ZRANB3: variants seen among roughly 807,000 people sequenced by gnomAD.
ZRANB3 encodes zinc finger RANBP2-type containing 3, also known as DNA annealing helicase and endonuclease ZRANB3.
ZRANB3 carries 125 observed loss-of-function variants against 133.8 expected under a neutral mutation model. The ratio of observed to expected loss-of-function variants is 0.93; its 90% CI spans 0.81 to 1.08. The LOEUF (loss-of-function observed/expected upper bound fraction) is 1.08, where lower values mean the gene tolerates loss of function less well. Ranked by LOEUF, ZRANB3 falls within the 50% of genes least tolerant of loss-of-function variation. The pLI is 0.00. For missense variants in ZRANB3, 1,229 were observed against 1,275.5 expected, an observed-to-expected ratio of 0.96 and a Z score of 0.56; for synonymous variants, 387 against 432.7, an observed-to-expected ratio of 0.89 and a Z score of 1.31.
intron 8 of ZRANB3, among the ~76,000 whole-genome samples, chr2:135,301,736 T>C (rs1682440197): frequency 6.6e-6 from 1 of 152,234 alleles, no homozygotes; most frequent in South Asian, 2.1e-4. Context: ...ATGTCTTTCC[T>C]GCACCCTCAA....
Position 135,315,568 on chromosome 2 carries a change from T to C in ZRANB3, c.678-38A>G, listed in dbSNP as rs779745079. 5.3e-5 allele frequency: 71 copies of C among 1,347,522 alleles called. 2 individuals are homozygous for C. The highest frequency in any genetic ancestry group is 3.2e-4 in the South Asian group (16 of 49,414). The allele number at this position is 1,347,522 out of a possible 1,614,324, so 83.5% of individuals were successfully genotyped here. On this transcript the variant is annotated intron_variant, in intron 6 of 20. Coordinates refer to ENST00000264159, the MANE Select transcript of ZRANB3 (RefSeq NM_032143.4). Reference sequence around the variant, plus strand: ...AGACAAAACATGTAGCAAAATTGAATGCTGGAGTTAAGAAAATAATTTATC... The same window carrying C: ...AGACAAAACATGTAGCAAAATTGAACGCTGGAGTTAAGAAAATAATTTATC...
chr2:135,416,782 C>G (rs1405984521), intron 2 of ZRANB3, among the ~76,000 whole-genome samples: 1 of 152,124 alleles, frequency 6.6e-6, no homozygotes, highest in East Asian at 1.9e-4. Flanking sequence ...TGGAAGAGAA[C>G]AGAGCCCTCA....
At chr2:135,479,762 C>A (rs1358719573) in intron 2 of ZRANB3, among the ~76,000 whole-genome samples, 4 of 151,976 alleles carry the variant, frequency 2.6e-5, no homozygotes, top group Admixed American at 2.6e-4. Flanking sequence ...TGGGACCCAC[C>A]CTGCTTGAAG....
intron 15 of ZRANB3, 98 bp from the exon 16 acceptor site, chr2:135,219,276 G>T: frequency 1.2e-6 from 1 of 804,006 alleles, no homozygotes; most frequent in Non-Finnish European, 1.9e-6. Flanking sequence ...AATATGCCTA[G>T]TCTCCTAAAA....
intron 2 of ZRANB3, among the ~76,000 whole-genome samples, chr2:135,396,868 T>C (rs1040869307): frequency 6.6e-6 from 1 of 152,182 alleles, no homozygotes; most frequent in Non-Finnish European, 1.5e-5. Flanking sequence ...CATCTGCTTA[T>C]TATGCATTGT....
chr2:135,384,679 C>T (rs1424362812), intron 3 of ZRANB3, among the ~76,000 whole-genome samples: 6 of 152,192 alleles, frequency 3.9e-5, no homozygotes, highest in South Asian at 2.1e-4. Context: ...GGATGCAAGG[C>T]TGGTTCAACA....
At chr2:135,510,994 T>C (rs1464203256) in intron 1 of ZRANB3, 1 of 785,144 alleles carries the variant, frequency 1.3e-6, no homozygotes, top group Admixed American at 1.7e-5. Flanking sequence ...CAGATCGGTC[T>C]GGGTCCCCTT....
chr2:135,268,363 C>T (rs1680345175), intron 11 of ZRANB3, among the ~76,000 whole-genome samples: 2 of 152,070 alleles, frequency 1.3e-5, no homozygotes, highest in Admixed American at 1.3e-4. Flanking sequence ...GACAGGGGTT[C>T]ACCATGTTGG....
intron 5 of ZRANB3, among the ~76,000 whole-genome samples, chr2:135,348,349 T>C (rs1165739073): frequency 6.6e-6 from 1 of 152,076 alleles, no homozygotes; most frequent in Non-Finnish European, 1.5e-5. Flanking sequence ...ATTTCTAATT[T>C]TATATTCTTT....
At chr2:135,243,386 G>A (rs577107869) in intron 12 of ZRANB3, among the ~76,000 whole-genome samples, 85 of 152,218 alleles carry the variant, frequency 5.6e-4, no homozygotes, top group Non-Finnish European at 1.1e-3. Flanking sequence ...TAGCGTTGGC[G>A]CCTGTAATCC....
At chr2:135,418,923 C>CTTTTTT (rs1558986938) in intron 2 of ZRANB3, among the ~76,000 whole-genome samples, 2 of 114,324 alleles carry the variant, frequency 1.7e-5, no homozygotes, top group African/African-American at 7.2e-5. Context: ...TAAGGATTCT[C>CTTTTTT]TCTTTTTTTT....
chr2:135,429,282 G>A (rs1689220423), intron 2 of ZRANB3, among the ~76,000 whole-genome samples: 1 of 152,110 alleles, frequency 6.6e-6, no homozygotes, highest in Non-Finnish European at 1.5e-5. Flanking sequence ...ATTAACAAAG[G>A]AACAGAAAAC....
chr2:135,343,402 A>T (rs1019837240), intron 6 of ZRANB3, among the ~76,000 whole-genome samples: 1 of 149,882 alleles, frequency 6.7e-6, no homozygotes. Flanking sequence ...GGATTTCATT[A>T]ATCTATTAAT....
intron 3 of ZRANB3, among the ~76,000 whole-genome samples, chr2:135,385,272 T>C (rs1410962939): frequency 2.6e-5 from 4 of 152,034 alleles, no homozygotes; most frequent in Non-Finnish European, 5.9e-5. Context: ...TACCTAGGAA[T>C]CCAACTTACA....
At chr2:135,373,901 A>G (rs1686301596) in intron 3 of ZRANB3, among the ~76,000 whole-genome samples, 1 of 152,170 alleles carries the variant, frequency 6.6e-6, no homozygotes, top group African/African-American at 2.4e-5. Context: ...TGTTGGGTAT[A>G]TGAGACATAT....
At chr2:135,204,688 A>C (rs1350968429) in intron 19 of ZRANB3, among the ~76,000 whole-genome samples, 2 of 138,580 alleles carry the variant, frequency 1.4e-5, no homozygotes, top group Admixed American at 7.3e-5. Flanking sequence ...AAATATAAAA[A>C]TATATACAAT....
In ZRANB3 at chr2:135,507,433, T is replaced by C. The variant is rs543430965; in HGVS notation, c.-7-2937A>G. Among the ~76,000 whole-genome samples the C allele has an allele frequency of 4.6e-5, 7 of 152,296 alleles. No homozygotes were observed. In the South Asian group the frequency reaches 1.5e-3, roughly 32 times the overall value. ...TAATCAGATATACTATTGTGGACTT[T>C]AGAAAGTCAAAACTCAAAGGAGCAG... is the stretch of plus-strand genomic sequence containing the variant. On this transcript the variant is annotated intron_variant, in intron 1 of 20. Transcript: ENST00000264159.
intron 19 of ZRANB3, among the ~76,000 whole-genome samples, chr2:135,205,633 G>A (rs1200640552): frequency 1.3e-5 from 2 of 152,184 alleles, no homozygotes. Context: ...TTACAGGTAT[G>A]AGCCAACGCC....
chr2:135,406,624 T>C (rs1056876567), intron 2 of ZRANB3, among the ~76,000 whole-genome samples: 1 of 152,208 alleles, frequency 6.6e-6, no homozygotes, highest in African/African-American at 2.4e-5. Context: ...TTATCCACCA[T>C]GATCAAGTGG....
Sources: allele counts gnomAD v4.1 joint callset (sites outside exome capture counted in the v4.1 genomes callset), GRCh38; gene constraint gnomAD v4.1.1; transcripts MANE v1.5; gene names NCBI Gene and HGNC (gene_info 2026-07-23, HGNC 2026-07-21).